Variants in MECOM observed in about 807,000 individuals in gnomAD.
MECOM encodes the protein histone-lysine N-methyltransferase MECOM.
MECOM carries 13 observed loss-of-function variants against 116.3 expected under a neutral mutation model. The observed-to-expected ratio is 0.11, with a 90% CI of 0.07 to 0.18. The LOEUF is 0.18. MECOM is among the 10% of genes least tolerant of loss of function. MECOM has a pLI of 1.00. For missense variants in MECOM, 1,299 were observed against 1,509.0 expected (o/e 0.86, Z 2.31); for synonymous variants, 528 against 535.2 (o/e 0.99, Z 0.19).
At chr3:169,346,319 T>C (rs1725339538) in intron 2 of MECOM, among the ~76,000 whole-genome samples, 1 of 152,118 alleles carries the variant, frequency 6.6e-6, no homozygotes, top group African/African-American at 2.4e-5. Context: ...TTCAAAGTGG[T>C]AAATCTTGTG....
At chr3:169,355,883 G>C (rs1727193749) in intron 2 of MECOM, among the ~76,000 whole-genome samples, 1 of 151,382 alleles carries the variant, frequency 6.6e-6, no homozygotes, top group Non-Finnish European at 1.5e-5. Flanking sequence ...AACCGTATAT[G>C]GAAAACAGAA....
chr3:169,115,462 T>G lies in MECOM; in HGVS notation c.2410A>C (p.Asn804His), dbSNP rs776589165. Residue 804 changes from asparagine to histidine, a missense_variant, in exon 8 of 17, where the codon AAC becomes CAC. By Grantham distance (68) the Asn-to-His change is moderately conservative. Coordinates refer to ENST00000651503, the MANE Select transcript of MECOM (RefSeq NM_004991.4). Reference sequence around the variant, plus strand: ...TCTGAAGCAGGTCTTGATTCGACGTTGCTTCCTTTTTTTCCCCCAAACACG... The same window carrying G: ...TCTGAAGCAGGTCTTGATTCGACGTGGCTTCCTTTTTTTCCCCCAAACACG... ...NHVFGGKKGS[N>H]VESRPASDGS... 3.1e-6 allele frequency: 5 copies of G among 1,614,068 alleles called. No homozygotes were observed. Among genetic ancestry groups the G allele is most frequent in the Non-Finnish European group, 3.4e-6 (4 of 1,180,034 alleles).
At chr3:169,585,988 C>T (rs1326480422) in intron 1 of MECOM, among the ~76,000 whole-genome samples, 2 of 152,284 alleles carry the variant, frequency 1.3e-5, no homozygotes, top group East Asian at 3.9e-4. Context: ...TATCATATTC[C>T]TATGCAAGAC....
chr3:169,363,321 G>T (rs922524623), intron 2 of MECOM, among the ~76,000 whole-genome samples: 8 of 151,944 alleles, frequency 5.3e-5, no homozygotes, highest in South Asian at 2.1e-4. Flanking sequence ...TGCATTTAAG[G>T]TCATTAGAGA....
At chr3:169,169,705 C>A (rs1304966695) in intron 2 of MECOM, among the ~76,000 whole-genome samples, 2 of 152,078 alleles carry the variant, frequency 1.3e-5, no homozygotes, top group African/African-American at 4.8e-5. Context: ...CAAGAAGTAA[C>A]CTTTAGTTTC....
rs149602474 is a variant in MECOM at position 169,402,280 on chromosome 3, T to A, written c.38-20756A>T. Among the ~76,000 whole-genome samples, 5 of 152,188 alleles carry A rather than the reference T, an allele frequency of 3.3e-5. No homozygotes were observed. The East Asian group carries it at 9.7e-4, about 29-fold the overall frequency. On this transcript the variant is annotated intron_variant, in intron 1 of 16. Transcript: ENST00000651503. ...CTGAGGACACAGATAGAGAGAAGAT[T>A]GGAATACTGAACAACGAAGTGATTA...
In MECOM at chr3:169,595,915, C is replaced by A. The variant is rs557222347; in HGVS notation, c.37+67421G>T. On this transcript the variant is annotated intron_variant, in intron 1 of 16. Transcript: ENST00000651503. ...GAAGAAAAAACATCAAATCCAAATA[C>A]AAAAATAGAATTCTTTCATTCATAT... Among the ~76,000 whole-genome samples the A allele has an allele frequency of 4.5e-5, 6 of 134,108 alleles. No homozygotes were observed. In the East Asian group the frequency reaches 1.2e-3, roughly 28 times the overall value. 88.0% of individuals were successfully genotyped at this position (134,108 alleles called of 152,430 possible).
intron 1 of MECOM, among the ~76,000 whole-genome samples, chr3:169,456,571 T>C (rs1002745098): frequency 7.9e-5 from 12 of 152,114 alleles, no homozygotes; most frequent in African/African-American, 2.9e-4. Flanking sequence ...AGCATCCATG[T>C]CAACTGGGAG....
chr3:169,495,176 C>T (rs1753661560), intron 1 of MECOM, among the ~76,000 whole-genome samples: 2 of 152,068 alleles, frequency 1.3e-5, no homozygotes, highest in South Asian at 4.1e-4. Context: ...CATTGCTCTC[C>T]CCTGGACCCT....
At chr3:169,239,979 C>T (rs185374998) in intron 2 of MECOM, among the ~76,000 whole-genome samples, 10 of 152,256 alleles carry the variant, frequency 6.6e-5, no homozygotes, top group Admixed American at 1.3e-4. Context: ...TAATTCTAAA[C>T]GAGCAATTTG....
intron 2 of MECOM, among the ~76,000 whole-genome samples, chr3:169,246,923 G>A (rs190429875): frequency 6.6e-6 from 1 of 152,094 alleles, no homozygotes. Context: ...AATGGATTGG[G>A]TCTTTATTTG....
At chr3:169,127,437 T>C (rs1208242345) in intron 5 of MECOM, among the ~76,000 whole-genome samples, 1 of 152,128 alleles carries the variant, frequency 6.6e-6, no homozygotes, top group Non-Finnish European at 1.5e-5. Flanking sequence ...AAAAGATCAT[T>C]TACCTGTCAT....
At chr3:169,585,709 A>G (rs1452250421) in intron 1 of MECOM, among the ~76,000 whole-genome samples, 1 of 152,216 alleles carries the variant, frequency 6.6e-6, no homozygotes, top group Non-Finnish European at 1.5e-5. Flanking sequence ...CTGCATCTTC[A>G]TGAGGGTAGG....
intron 1 of MECOM, among the ~76,000 whole-genome samples, chr3:169,648,228 G>A (rs1253409623): frequency 6.6e-6 from 1 of 152,216 alleles, no homozygotes; most frequent in Non-Finnish European, 1.5e-5. Context: ...TCATTATGCT[G>A]TATTAGGTAT....
intron 2 of MECOM, among the ~76,000 whole-genome samples, chr3:169,257,754 C>T (rs1051343815): frequency 6.6e-6 from 1 of 152,180 alleles, no homozygotes; most frequent in African/African-American, 2.4e-5. Flanking sequence ...GGCCTTTCCT[C>T]AACCATCAAG....
chr3:169,549,067 G>A lies in MECOM; in HGVS notation c.37+114269C>T, dbSNP rs796321059. Among the ~76,000 whole-genome samples, 10 of 149,974 alleles carry A rather than the reference G, an allele frequency of 6.7e-5. 1 individual carries two copies. The highest frequency in any genetic ancestry group is 2.4e-4 in the African/African-American group (10 of 40,858). ...CAGCTCACTGCAACCTCCGCCTCCC[G>A]GGTTCAAGTGATTCTCCTGCCTCAG... On this transcript the variant is annotated intron_variant, in intron 1 of 16. Coordinates refer to ENST00000651503, the MANE Select transcript of MECOM (RefSeq NM_004991.4).
intron 1 of MECOM, among the ~76,000 whole-genome samples, chr3:169,570,998 G>A (rs1211190317): frequency 6.6e-6 from 1 of 152,100 alleles, no homozygotes; most frequent in Non-Finnish European, 1.5e-5. Context: ...GGGCAATCAG[G>A]CAAGAGAAAG....
At chr3:169,610,618 T>A (rs544756754) in intron 1 of MECOM, among the ~76,000 whole-genome samples, 2 of 152,266 alleles carry the variant, frequency 1.3e-5, no homozygotes, top group East Asian at 3.9e-4. Flanking sequence ...ATAATAGATA[T>A]TTCTGGACAC....
intron 1 of MECOM, among the ~76,000 whole-genome samples, chr3:169,660,271 G>C (rs906851200): frequency 3.3e-5 from 5 of 152,000 alleles, no homozygotes; most frequent in African/African-American, 1.2e-4. Flanking sequence ...AAAATTCAGG[G>C]GCGTTAGGCA....
Sources: gnomAD v4.1 joint callset for allele counts (sites outside exome capture counted in the v4.1 genomes callset) on GRCh38, gnomAD v4.1.1 for gene constraint, MANE v1.5 for transcripts, NCBI Gene and HGNC (gene_info 2026-07-23, HGNC 2026-07-21) for gene names.